NSL1: variants seen among roughly 807,000 people sequenced by gnomAD.
The protein encoded by NSL1 is NSL1 component of MIS12 kinetochore complex, also known as kinetochore-associated protein NSL1 homolog.
NSL1 carries 11 observed loss-of-function variants against 25.4 expected under a neutral mutation model. The ratio of observed to expected loss-of-function variants is 0.43; its 90% CI spans 0.27 to 0.72. The LOEUF (loss-of-function observed/expected upper bound fraction) is 0.72, where lower values mean the gene tolerates loss of function less well. Among genes scored for constraint, NSL1 ranks in the 30% least tolerant of loss-of-function variants. The probability of loss-of-function intolerance (pLI) is 0.19; values close to 1 mark genes in which losing one functional copy is unlikely to be tolerated. For synonymous variants in NSL1, 118 were observed against 120.6 expected (o/e 0.98, Z 0.14); for missense variants, 330 against 342.7 (o/e 0.96, Z 0.29).
At chr1:212,739,100 T>C (rs527332450) in intron 5 of NSL1, among the ~76,000 whole-genome samples, 72 of 152,292 alleles carry the variant, frequency 4.7e-4, no homozygotes, top group Non-Finnish European at 5.4e-4. Context: ...AGGTTACTTA[T>C]GTGCGCAACC....
intron 4 of NSL1, among the ~76,000 whole-genome samples, chr1:212,777,562 G>C (rs1053419270): frequency 3.3e-5 from 5 of 152,102 alleles, no homozygotes; most frequent in Admixed American, 3.3e-4. Context: ...TGATCAGTAT[G>C]ATACAATTTA....
chr1:212,764,843 C>CAAAAAAAAAAAAAAAAA (rs3086471), intron 4 of NSL1, among the ~76,000 whole-genome samples: 163 of 38,902 alleles, frequency 4.2e-3, no homozygotes, highest in African/African-American at 4.6e-3. Flanking sequence ...AAGACTGTCT[C>CAAAAAAAAAAAAAAAAA]AAAAAAAAAA....
chr1:212,758,762 C>T (rs1219145892), intron 4 of NSL1, among the ~76,000 whole-genome samples: 1 of 152,152 alleles, frequency 6.6e-6, no homozygotes, highest in Non-Finnish European at 1.5e-5. Context: ...GACTTCTTGA[C>T]AGAAATTGAC....
Position 212,729,954 on chromosome 1 carries a change from T to C in NSL1, c.*8454A>G, listed in dbSNP as rs1047681898. On this transcript the variant is annotated 3_prime_UTR_variant, in exon 6 of 6. Transcript: ENST00000366977. Reference sequence around the variant, plus strand: ...CTAAACCTCCGGAAGGATTTTTTTTTTTAAGAATGAAATGGGCCGGGCGTG... The same window carrying C: ...CTAAACCTCCGGAAGGATTTTTTTTCTTAAGAATGAAATGGGCCGGGCGTG... 1 of 984,978 alleles carries C rather than the reference T, an allele frequency of 1.0e-6. No homozygotes were observed. Among genetic ancestry groups the C allele is most frequent in the Non-Finnish European group, 1.2e-6 (1 of 829,862 alleles). 61.0% of individuals were successfully genotyped at this position (984,978 alleles called of 1,614,324 possible). A position where few individuals can be genotyped will look rare whatever the true frequency, so the allele number is the denominator to read the frequency against.
chr1:212,769,132 C>T (rs890714629), intron 4 of NSL1, among the ~76,000 whole-genome samples: 1 of 151,328 alleles, frequency 6.6e-6, no homozygotes, highest in Non-Finnish European at 1.5e-5. Flanking sequence ...CATAAACTGG[C>T]CAAATATTTG....
intron 4 of NSL1, among the ~76,000 whole-genome samples, chr1:212,773,279 TTCATCCA>T (rs1007488761): frequency 2.0e-5 from 3 of 152,022 alleles, no homozygotes; most frequent in Non-Finnish European, 4.4e-5. Flanking sequence ...ATGCAAACTA[TTCATCCA>T]ATGGGGGACT....
rs986506363 is a variant in NSL1 at position 212,733,620 on chromosome 1, T to C, written c.*4788A>G. Reference sequence around the variant, plus strand: ...GTCTTTTGTGAGAGGCTTCTTTCACTTGGCATGTTTTAAGGTTCATCTACA... The same window carrying C: ...GTCTTTTGTGAGAGGCTTCTTTCACCTGGCATGTTTTAAGGTTCATCTACA... On this transcript the variant is annotated 3_prime_UTR_variant, in exon 6 of 6. Coordinates refer to ENST00000366977, the MANE Select transcript of NSL1 (RefSeq NM_015471.4). Among the ~76,000 whole-genome samples the C allele has an allele frequency of 2.6e-5, 4 of 152,168 alleles. No individual in the cohort carries two copies. The highest frequency in any genetic ancestry group is 2.6e-4 in the Admixed American group (4 of 15,276).
intron 4 of NSL1, among the ~76,000 whole-genome samples, chr1:212,765,721 G>A (rs113220807): frequency 0.023 from 3,470 of 152,000 alleles, 61 homozygotes; most frequent in South Asian, 0.041. Flanking sequence ...CAGGAGAATC[G>A]CTTGAACCTG....
chr1:212,789,402 G>A (rs1225057327), intron 1 of NSL1, among the ~76,000 whole-genome samples: 1 of 152,172 alleles, frequency 6.6e-6, no homozygotes, highest in Non-Finnish European at 1.5e-5. Context: ...AGTATAGACA[G>A]GGTTTCACCG....
intron 4 of NSL1, among the ~76,000 whole-genome samples, chr1:212,745,358 A>C (rs113901315): frequency 6.6e-6 from 1 of 151,932 alleles, no homozygotes; most frequent in East Asian, 1.9e-4. Flanking sequence ...GCATTTACAC[A>C]TCCAAGAAGC....
Position 212,727,727 on chromosome 1 carries a change from C to T in NSL1, c.*10681G>A, listed in dbSNP as rs1026774382. ...ACTAGCTATGATGATTTATATTTCC[C>T]AAGAAATTAACAGCAAAAGTTCATA... On this transcript the variant is annotated 3_prime_UTR_variant, in exon 6 of 6. Coordinates refer to ENST00000366977, the MANE Select transcript of NSL1 (RefSeq NM_015471.4). 2.0e-6 allele frequency: 2 copies of T among 984,692 alleles called. No homozygotes were observed. The highest frequency in any genetic ancestry group is 1.7e-5 in the African/African-American group (1 of 57,186). 61.0% of individuals were successfully genotyped at this position (984,692 alleles called of 1,614,324 possible).
At chr1:212,779,047 G>A (rs1293985151) in intron 4 of NSL1, among the ~76,000 whole-genome samples, 4 of 143,988 alleles carry the variant, frequency 2.8e-5, no homozygotes, top group African/African-American at 5.4e-5. Flanking sequence ...GCCTCTGCCC[G>A]GCCACGACCC....
chr1:212,790,425 G>A (rs1422883200), intron 1 of NSL1, among the ~76,000 whole-genome samples: 3 of 152,050 alleles, frequency 2.0e-5, no homozygotes, highest in Non-Finnish European at 4.4e-5. Flanking sequence ...TCATACATTT[G>A]CCTCTATACC....
Position 212,726,878 on chromosome 1 carries a change from G to A in NSL1, c.*11530C>T. 1 of 377,766 alleles carries A rather than the reference G, an allele frequency of 2.6e-6. No homozygotes were observed. Among genetic ancestry groups the A allele is most frequent in the Non-Finnish European group, 4.7e-6 (1 of 212,050 alleles). 23.4% of individuals were successfully genotyped at this position (377,766 alleles called of 1,614,324 possible). Reference sequence around the variant, plus strand: ...AACAACAGAGCCGAGCCCGGTCCCAGGGGCTGGATGGTGTCCCTCCCTCTG... The same window carrying A: ...AACAACAGAGCCGAGCCCGGTCCCAAGGGCTGGATGGTGTCCCTCCCTCTG... On this transcript the variant is annotated 3_prime_UTR_variant, in exon 6 of 6. Transcript: ENST00000366977.
At position 212,729,917 on chromosome 1, in the gene NSL1, C is replaced by T. The variant is rs954661592; in HGVS notation, c.*8491G>A. 2 of 985,010 alleles carry T rather than the reference C, an allele frequency of 2.0e-6. No homozygotes were observed. The highest frequency in any genetic ancestry group is 1.2e-4 in the Admixed American group (2 of 16,252). The allele number at this position is 985,010 out of a possible 1,614,324, so 61.0% of individuals were successfully genotyped here. ...GAGGGGGCAGGTAACCAGAAGCTGC[C>T]TTGTGGAGGAACTAAACCTCCGGAA... On this transcript the variant is annotated 3_prime_UTR_variant, in exon 6 of 6. Coordinates refer to ENST00000366977, the MANE Select transcript of NSL1 (RefSeq NM_015471.4).
In NSL1 at chr1:212,777,723, A is replaced by G. The variant is rs551553946; in HGVS notation, c.499+4649T>C. Among the ~76,000 whole-genome samples the G allele has an allele frequency of 3.3e-5, 5 of 152,368 alleles. No homozygotes were observed. In the East Asian group the frequency reaches 9.6e-4, roughly 29 times the overall value. On this transcript the variant is annotated intron_variant, in intron 4 of 5. Coordinates refer to ENST00000366977, the MANE Select transcript of NSL1 (RefSeq NM_015471.4). ...TGGAATGGAATAGTGGAAGACACAAAGAAAGTTTCAACTATATCTGAACAT... is the reference window on the plus strand; with the variant it reads ...TGGAATGGAATAGTGGAAGACACAAGGAAAGTTTCAACTATATCTGAACAT...
chr1:212,785,003 T>C (rs1260432266), intron 2 of NSL1, among the ~76,000 whole-genome samples: 1 of 152,330 alleles, frequency 6.6e-6, no homozygotes, highest in Middle Eastern at 3.4e-3. Context: ...TCCTAGTCTT[T>C]GGAGACCTGA....
chr1:212,757,033 A>C (rs1339509851), intron 4 of NSL1, among the ~76,000 whole-genome samples: 1 of 152,238 alleles, frequency 6.6e-6, no homozygotes, highest in East Asian at 1.9e-4. Flanking sequence ...GGTGTATCAG[A>C]TGAAGTGACA....
At chr1:212,782,173 C>T in intron 4 of NSL1, 199 bp downstream of exon 4, 2 of 707,448 alleles carry the variant, frequency 2.8e-6, no homozygotes, top group South Asian at 1.5e-5. Flanking sequence ...TCCGGGGTAA[C>T]ACCCCTGGAA....
Sources: allele counts gnomAD v4.1 joint callset (sites outside exome capture counted in the v4.1 genomes callset), GRCh38; gene constraint gnomAD v4.1.1; transcripts MANE v1.5; gene names NCBI Gene and HGNC (gene_info 2026-07-23, HGNC 2026-07-21).